The following PID1 variants were observed in gnomAD, a reference collection of about 807,000 sequenced individuals.
PID1 encodes PTB-containing, cubilin and LRP1-interacting protein.
In PID1, 10 loss-of-function variants were observed where a neutral mutation model predicts 19.1. The ratio of observed to expected loss-of-function variants is 0.52; its 90% confidence interval spans 0.32 to 0.89. The LOEUF (loss-of-function observed/expected upper bound fraction) is 0.89. Ranked by LOEUF, PID1 falls within the 40% of genes least tolerant of loss-of-function variation. PID1 has a pLI of 0.03. For synonymous variants in PID1, 130 were observed against 116.0 expected (o/e 1.12, Z -0.78); for missense variants, 248 against 285.3 (o/e 0.87, Z 0.94).
chr2:229,262,477 C>T (rs1574767713), intron 1 of PID1, among the ~76,000 whole-genome samples: 1 of 151,958 alleles, frequency 6.6e-6, no homozygotes, highest in Non-Finnish European at 1.5e-5. Context: ...GATAAACTCA[C>T]ACTCGGTATT....
intron 2 of PID1, among the ~76,000 whole-genome samples, chr2:229,077,207 T>C (rs1315942297): frequency 1.3e-5 from 2 of 152,248 alleles, no homozygotes; most frequent in East Asian, 1.9e-4. Flanking sequence ...TGTCTGTTCA[T>C]ATCCTTCGCC....
Position 229,158,168 on chromosome 2 carries a change from T to C in PID1, c.31-2204A>G, listed in dbSNP as rs139718170. ...TTTCTTTACTTAGAACAGCATTAAA[T>C]GGCAAATAATAATTTTAAAAACACC... is the stretch of plus-strand genomic sequence containing the variant. On this transcript the variant is annotated intron_variant, in intron 1 of 2. Transcript: ENST00000392055. 5.6e-4 allele frequency among the ~76,000 whole-genome samples: 86 copies of C among 152,294 alleles called. 2 individuals are homozygous for C. The highest frequency in any genetic ancestry group is 1.9e-3 in the African/African-American group (78 of 41,560).
At chr2:229,192,654 T>C (rs150643334) in intron 1 of PID1, among the ~76,000 whole-genome samples, 2 of 152,190 alleles carry the variant, frequency 1.3e-5, no homozygotes, top group African/African-American at 4.8e-5. Flanking sequence ...CAAGCCTGTT[T>C]TTCCATCTTT....
At chr2:229,175,528 T>A (rs1690802278) in intron 1 of PID1, among the ~76,000 whole-genome samples, 1 of 152,208 alleles carries the variant, frequency 6.6e-6, no homozygotes, top group African/African-American at 2.4e-5. Flanking sequence ...TTTTTGTATT[T>A]CCAAGAATCA....
At chr2:229,086,189 T>A (rs1319200479) in intron 2 of PID1, among the ~76,000 whole-genome samples, 1 of 152,146 alleles carries the variant, frequency 6.6e-6, no homozygotes, top group Non-Finnish European at 1.5e-5. Context: ...CTCCTCAACT[T>A]ATGATGCGGT....
chr2:229,138,593 T>C (rs983821222), intron 2 of PID1, among the ~76,000 whole-genome samples: 11 of 152,098 alleles, frequency 7.2e-5, no homozygotes, highest in Admixed American at 7.2e-4. Context: ...AAATGGATCA[T>C]ATTTGTTGTA....
At chr2:229,169,939 C>G (rs958518673) in intron 1 of PID1, among the ~76,000 whole-genome samples, 1 of 152,132 alleles carries the variant, frequency 6.6e-6, no homozygotes, top group Admixed American at 6.5e-5. Context: ...CAGAGCCACA[C>G]GCTTCAAAGA....
intron 2 of PID1, among the ~76,000 whole-genome samples, chr2:229,104,602 T>C (rs1450564818): frequency 1.3e-5 from 2 of 152,156 alleles, no homozygotes; most frequent in African/African-American, 4.8e-5. Context: ...ACAATAAGCT[T>C]CCAACTTACA....
At chr2:229,105,133 A>T (rs143215808) in intron 2 of PID1, among the ~76,000 whole-genome samples, 7 of 152,326 alleles carry the variant, frequency 4.6e-5, no homozygotes, top group Non-Finnish European at 8.8e-5. Flanking sequence ...ATCCTTACGC[A>T]AGAGGGATCA....
chr2:229,152,726 G>A (rs1017761440), intron 2 of PID1, among the ~76,000 whole-genome samples: 3 of 151,528 alleles, frequency 2.0e-5, no homozygotes, highest in Non-Finnish European at 2.9e-5. Context: ...AACATGAATA[G>A]CCTAGCAAGG....
chr2:229,141,644 G>A (rs959641698), intron 2 of PID1, among the ~76,000 whole-genome samples: 1 of 59,216 alleles, frequency 1.7e-5, no homozygotes, highest in African/African-American at 5.2e-5. Context: ...AATCAATGTG[G>A]GGGGGGAACT....
chr2:229,074,875 G>A (rs1694526730), intron 2 of PID1, among the ~76,000 whole-genome samples: 1 of 152,068 alleles, frequency 6.6e-6, no homozygotes, highest in Non-Finnish European at 1.5e-5. Flanking sequence ...AAAAATGCGG[G>A]GACAAAACTA....
intron 1 of PID1, among the ~76,000 whole-genome samples, chr2:229,202,277 T>C (rs1285510775): frequency 6.6e-6 from 1 of 152,118 alleles, no homozygotes; most frequent in Non-Finnish European, 1.5e-5. Context: ...CAAGAAGTTT[T>C]AGGGAACTGA....
At chr2:229,205,238 T>C (rs1691584510) in intron 1 of PID1, among the ~76,000 whole-genome samples, 1 of 146,878 alleles carries the variant, frequency 6.8e-6, no homozygotes, top group Non-Finnish European at 1.5e-5. Context: ...CACACATACA[T>C]ACTACATACA....
chr2:229,111,566 AAAC>A (rs1695299344), intron 2 of PID1, among the ~76,000 whole-genome samples: 1 of 152,242 alleles, frequency 6.6e-6, no homozygotes, highest in Non-Finnish European at 1.5e-5. Flanking sequence ...CAAGGAATTC[AAAC>A]AGGATCACTT....
chr2:229,231,969 T>C (rs988892560), intron 1 of PID1: 1 of 1,550,382 alleles, frequency 6.5e-7, no homozygotes, highest in Non-Finnish European at 8.7e-7. Context: ...GCGGGCTTGT[T>C]TGATTGTCTT....
intron 1 of PID1, among the ~76,000 whole-genome samples, chr2:229,249,222 G>A (rs769429692): frequency 6.6e-6 from 1 of 151,690 alleles, no homozygotes; most frequent in Non-Finnish European, 1.5e-5. Flanking sequence ...TTATTTAAAT[G>A]TCAAGAAAAT....
chr2:229,164,737 C>T (rs2106204114), intron 1 of PID1, among the ~76,000 whole-genome samples: 1 of 152,256 alleles, frequency 6.6e-6, no homozygotes, highest in South Asian at 2.1e-4. Context: ...AAGATGTACA[C>T]CTGCCCAGCT....
At chr2:229,211,939 T>C (rs977085183) in intron 1 of PID1, among the ~76,000 whole-genome samples, 7 of 152,238 alleles carry the variant, frequency 4.6e-5, no homozygotes, top group Admixed American at 4.6e-4. Context: ...GACACAACTC[T>C]GAAAGTAATT....
Sources: gnomAD v4.1 joint callset for allele counts (sites outside exome capture counted in the v4.1 genomes callset) on GRCh38, gnomAD v4.1.1 for gene constraint, MANE v1.5 for transcripts, NCBI Gene and HGNC (gene_info 2026-07-23, HGNC 2026-07-21) for gene names.